Variants in DOCK3 observed in about 807,000 individuals in gnomAD.
DOCK3 encodes dedicator of cytokinesis protein 3.
In DOCK3, 60 loss-of-function variants were observed where a neutral mutation model predicts 265.6. The observed-to-expected ratio is 0.23, with a 90% CI of 0.18 to 0.28. DOCK3 has a LOEUF of 0.28. Among genes scored for constraint, DOCK3 ranks in the 10% least tolerant of loss-of-function variants. The probability of loss-of-function intolerance (pLI) is 1.00; values close to 1 mark genes in which losing one functional copy is unlikely to be tolerated. For missense variants in DOCK3, 1,981 were observed against 2,594.3 expected (o/e 0.76, Z 5.14); for synonymous variants, 881 against 938.0 (o/e 0.94, Z 1.11).
Position 51,256,316 on chromosome 3 carries a change from G to C in DOCK3, c.2185-3840G>C, listed in dbSNP as rs111604319. Among the ~76,000 whole-genome samples the C allele has an allele frequency of 5.5e-3, 835 of 152,318 alleles. 8 individuals carry two copies. Among genetic ancestry groups the C allele is most frequent in the African/African-American group, 0.019 (781 of 41,562 alleles). On this transcript the variant is annotated intron_variant, in intron 22 of 52. Coordinates refer to ENST00000266037, the MANE Select transcript of DOCK3 (RefSeq NM_004947.5). ...CAGTCTCACTTACTCTGTTGCCCAG[G>C]CTGGAGTGCAGTGGCCTGATATCTG...
intron 1 of DOCK3, among the ~76,000 whole-genome samples, chr3:50,695,054 C>T (rs922052221): frequency 1.3e-5 from 2 of 152,142 alleles, no homozygotes; most frequent in Admixed American, 1.3e-4. Flanking sequence ...TTGATAACGT[C>T]TTTAGATAAA....
At chr3:50,727,047 C>T (rs1304906444) in intron 1 of DOCK3, among the ~76,000 whole-genome samples, 1 of 147,576 alleles carries the variant, frequency 6.8e-6, no homozygotes, top group African/African-American at 2.7e-5. Flanking sequence ...AGAATAATGT[C>T]TCACTAAAAA....
intron 3 of DOCK3, among the ~76,000 whole-genome samples, chr3:50,874,074 T>G (rs2047578920): frequency 6.7e-6 from 1 of 149,756 alleles, no homozygotes; most frequent in East Asian, 2.0e-4. Context: ...TTGTTTTTTT[T>G]TTTTTTGTTA....
chr3:50,686,642 C>T (rs1172521946), intron 1 of DOCK3, among the ~76,000 whole-genome samples: 1 of 152,226 alleles, frequency 6.6e-6, no homozygotes, highest in African/African-American at 2.4e-5. Context: ...AGCATGGTGG[C>T]TCACACCTAT....
chr3:50,965,333 AG>A (rs2076997336), intron 5 of DOCK3, among the ~76,000 whole-genome samples: 1 of 152,150 alleles, frequency 6.6e-6, no homozygotes, highest in Non-Finnish European at 1.5e-5. Context: ...TGTCTATATT[AG>A]AAAAGAATGA....
chr3:50,740,952 A>G (rs535447452), intron 1 of DOCK3, among the ~76,000 whole-genome samples: 1 of 152,164 alleles, frequency 6.6e-6, no homozygotes, highest in South Asian at 2.1e-4. Flanking sequence ...TTATTACACC[A>G]AACAAAAAGT....
chr3:51,311,950 C>T, intron 28 of DOCK3, 54 bp from the exon 29 acceptor site: 1 of 1,391,330 alleles, frequency 7.2e-7, no homozygotes, highest in Non-Finnish European at 9.9e-7. Context: ...ACCAAGCCAT[C>T]AGATGCCATT....
intron 3 of DOCK3, among the ~76,000 whole-genome samples, chr3:50,874,861 A>G (rs2047623835): frequency 6.6e-6 from 1 of 152,126 alleles, no homozygotes; most frequent in South Asian, 2.1e-4. Context: ...GTTTCTCTAA[A>G]TATAAGATCA....
At chr3:50,913,420 G>T (rs1327089362) in intron 4 of DOCK3, among the ~76,000 whole-genome samples, 1 of 151,996 alleles carries the variant, frequency 6.6e-6, no homozygotes, top group African/African-American at 2.4e-5. Context: ...CTGGGGCTAG[G>T]GGAGGGGTGA....
In DOCK3 at chr3:51,300,957, G is replaced by A. The variant is rs191595061; in HGVS notation, c.2923-9275G>A. 2.0e-5 allele frequency among the ~76,000 whole-genome samples: 3 copies of A among 152,268 alleles called. No individual in the cohort carries two copies. The East Asian group carries it at 5.8e-4, about 29-fold the overall frequency. On this transcript the variant is annotated intron_variant, in intron 27 of 52. Transcript: ENST00000266037. ...AGAAGTCCATCCTTTTCAGTTGCTT[G>A]GAGTAATTTCAGAAGAAATGGTACC...
intron 5 of DOCK3, among the ~76,000 whole-genome samples, chr3:51,027,328 T>C (rs560396996): frequency 6.6e-6 from 1 of 152,270 alleles, no homozygotes; most frequent in African/African-American, 2.4e-5. Flanking sequence ...AGTATGCCTT[T>C]GATTTTTTTT....
At chr3:51,145,402 C>T (rs1318298723) in intron 9 of DOCK3, among the ~76,000 whole-genome samples, 4 of 152,070 alleles carry the variant, frequency 2.6e-5, no homozygotes, top group African/African-American at 9.7e-5. Context: ...ACACCAGTCC[C>T]TGGAGTGTGA....
intron 12 of DOCK3, among the ~76,000 whole-genome samples, chr3:51,194,992 T>C (rs2088191981): frequency 6.6e-6 from 1 of 151,602 alleles, no homozygotes; most frequent in South Asian, 2.1e-4. Flanking sequence ...ACCCAGCTAA[T>C]TTTTTTGTAT....
chr3:50,807,717 C>A (rs2043515121), intron 2 of DOCK3, among the ~76,000 whole-genome samples: 1 of 152,096 alleles, frequency 6.6e-6, no homozygotes. Flanking sequence ...TTGAGAATAA[C>A]TAAGGGAATT....
chr3:51,220,108 A>G (rs1177043048), intron 14 of DOCK3, among the ~76,000 whole-genome samples: 1 of 152,074 alleles, frequency 6.6e-6, no homozygotes, highest in African/African-American at 2.4e-5. Context: ...TCTCTTCCTC[A>G]AGTAAATAAG....
chr3:51,312,418 G>A lies in DOCK3; in HGVS notation c.3094-58G>A, dbSNP rs192279394. 1,344 of 1,427,506 alleles carry A rather than the reference G, an allele frequency of 9.4e-4. 19 individuals are homozygous for A. The African/African-American group carries it at 0.015, about 16-fold the overall frequency. The allele number at this position is 1,427,506 out of a possible 1,614,324, so 88.4% of individuals were successfully genotyped here. A position where few individuals can be genotyped will look rare whatever the true frequency, so the allele number is the denominator to read the frequency against. ...ATGCTACATGCATGTATTTAGTAAC[G>A]CTCCCTACAAGATTAAGTTCTTAGA... is the stretch of plus-strand genomic sequence containing the variant. On this transcript the variant is annotated intron_variant, in intron 29 of 52. Coordinates refer to ENST00000266037, the MANE Select transcript of DOCK3 (RefSeq NM_004947.5).
intron 1 of DOCK3, among the ~76,000 whole-genome samples, chr3:50,760,398 C>T (rs923107175): frequency 1.3e-5 from 2 of 152,114 alleles, no homozygotes; most frequent in African/African-American, 4.8e-5. Flanking sequence ...GGTTTTTGGA[C>T]TTTACTATGG....
At position 51,266,957 on chromosome 3, in the gene DOCK3, C is replaced by A. The variant is rs565998491; in HGVS notation, c.2356-3858C>A. On this transcript the variant is annotated intron_variant, in intron 23 of 52. Coordinates refer to ENST00000266037, the MANE Select transcript of DOCK3 (RefSeq NM_004947.5). ...ACAAACGGCTAATATCCAAAATCTA[C>A]AAAGAACTTAAACAAATTTACAAGA... Among the ~76,000 whole-genome samples, 7 of 152,206 alleles carry A rather than the reference C, an allele frequency of 4.6e-5. No individual in the cohort carries two copies. The East Asian group carries it at 9.6e-4, about 21-fold the overall frequency.
intron 5 of DOCK3, among the ~76,000 whole-genome samples, chr3:50,951,015 T>G (rs529029432): frequency 3.5e-4 from 53 of 152,316 alleles, no homozygotes; most frequent in South Asian, 2.5e-3. Context: ...TATTGTTTGC[T>G]TTTGAAAGCT....
Sources: gnomAD v4.1 joint callset for allele counts (sites outside exome capture counted in the v4.1 genomes callset) on GRCh38, gnomAD v4.1.1 for gene constraint, MANE v1.5 for transcripts, NCBI Gene and HGNC (gene_info 2026-07-23, HGNC 2026-07-21) for gene names.